KCNA6: variants seen among roughly 807,000 people sequenced by gnomAD.
The protein encoded by KCNA6 is human brain potassium channel-2.
A neutral mutation model predicts 29.5 loss-of-function variants in KCNA6; 17 were observed. That is an observed-to-expected ratio of 0.58 (90% CI 0.39 to 0.86). KCNA6 has a LOEUF of 0.86. KCNA6 is among the 40% of genes least tolerant of loss of function. The probability of loss-of-function intolerance (pLI) is 0.00; values close to 1 mark genes in which losing one functional copy is unlikely to be tolerated. For synonymous variants in KCNA6, 296 were observed against 304.7 expected, an observed-to-expected ratio of 0.97 and a Z score of 0.30; for missense variants, 450 against 703.4, an observed-to-expected ratio of 0.64 and a Z score of 4.07.
chr12:4,832,881 G>A, the KCNA6 span, among the ~76,000 whole-genome samples: 1 of 152,052 alleles, frequency 6.6e-6, no homozygotes, highest in Non-Finnish European at 1.5e-5. Flanking sequence ...TTTTTAGACT[G>A]TAAGAGTCCT....
At chr12:4,827,205 C>CGT in the KCNA6 span, among the ~76,000 whole-genome samples, 1 of 39,054 alleles carries the variant, frequency 2.6e-5, no homozygotes, top group Non-Finnish European at 4.8e-5. Context: ...TCCTTCCTTC[C>CGT]CTCCTTCCTT....
At chr12:4,823,242 A>G in the KCNA6 span, among the ~76,000 whole-genome samples, 1 of 152,090 alleles carries the variant, frequency 6.6e-6, no homozygotes, top group Non-Finnish European at 1.5e-5. Context: ...TTAAAAAACT[A>G]CACAATATAG....
In KCNA6 at chr12:4,810,151, G is replaced by T; in HGVS notation, c.110G>T (p.Cys37Phe). Residue 37 changes from cysteine to phenylalanine, a missense_variant, in exon 1 of 1, where the codon TGC (cysteine) becomes TTC (phenylalanine). By Grantham distance (205) the Cys-to-Phe change is radical. Around this residue, in one of 7 missense-constraint regions of KCNA6, gnomAD observed 72 missense variants for 64.2 expected, o/e 1.12. Coordinates refer to ENST00000280684, the Ensembl canonical transcript of KCNA6. The surrounding 1 kb of genome is among the most constrained non-coding windows in gnomAD (Gnocchi z 7.5). ...CCGGAGGCCGGCGGGGGCGGGGGCT[G>T]CTGTAGTAGCGAGCGGCTGGTGATC... 1.2e-6 allele frequency: 2 copies of T among 1,607,584 alleles called. No homozygotes were observed.
At chr12:4,839,013 T>C in the KCNA6 span, 1 of 152,226 alleles carries the variant, frequency 6.6e-6, no homozygotes, top group African/African-American at 2.4e-5. Context: ...CTTAAAGATA[T>C]TCTCCTGCTC....
At position 4,810,694 on chromosome 12, in the gene KCNA6, C is replaced by A; in HGVS notation, c.653C>A (p.Ser218Tyr). 6.2e-7 allele frequency: 1 copy of A among 1,614,070 alleles called. No individual in the cohort carries two copies. The change falls in exon 1 of 1, where the codon TCC becomes TAC. Residue 218 changes from serine (S) to tyrosine (Y), a missense_variant. Physicochemically the swap from Ser to Tyr is moderately radical, Grantham distance 144. Transcript: ENST00000280684. The surrounding 1 kb of genome is among the most constrained non-coding windows in gnomAD (Gnocchi z 7.5). ...GGTGTGAGTCGAGTCTCCCCAGTTT[C>A]CAGGGGGAGTCAGGAGGAAGAGGAG...
the KCNA6 span, among the ~76,000 whole-genome samples, chr12:4,821,944 C>T: frequency 2.0e-5 from 3 of 152,134 alleles, no homozygotes; most frequent in African/African-American, 7.2e-5. Context: ...TCAAGCGATT[C>T]TCCTGCCTTA....
the KCNA6 span, among the ~76,000 whole-genome samples, chr12:4,841,646 G>A: frequency 2.0e-5 from 3 of 152,170 alleles, no homozygotes; most frequent in African/African-American, 7.2e-5. Flanking sequence ...TACCATGTTA[G>A]CTTGCCGGCA....
chr12:4,813,288 C>G (rs1361582012), exon 1 of KCNA6: 1 of 167,038 alleles, frequency 6.0e-6, no homozygotes, highest in African/African-American at 2.4e-5. Context: ...CTTTGTGCCT[C>G]AGTTTACCCA....
the KCNA6 span, among the ~76,000 whole-genome samples, chr12:4,838,545 C>T: frequency 3.3e-5 from 5 of 152,174 alleles, no homozygotes; most frequent in African/African-American, 1.2e-4. Flanking sequence ...ACTCAGTCGC[C>T]TCTGAAAAAT....
chr12:4,835,111 AT>A, the KCNA6 span, among the ~76,000 whole-genome samples: 1 of 150,350 alleles, frequency 6.7e-6, no homozygotes, highest in African/African-American at 2.4e-5. Flanking sequence ...GAGTACTCCC[AT>A]TTTTCTAAGA....
chr12:4,840,233 ATC>A, the KCNA6 span, among the ~76,000 whole-genome samples: 35,922 of 90,760 alleles, frequency 0.4, 4,834 homozygotes, highest in Middle Eastern at 0.48. Context: ...CTATCTATCT[ATC>A]TATCTATCTC....
the KCNA6 span, among the ~76,000 whole-genome samples, chr12:4,827,229 C>CTTCCCTCCT: frequency 1.5e-3 from 99 of 65,038 alleles, no homozygotes; most frequent in Non-Finnish European, 2.6e-3. Flanking sequence ...TCCTTCCTTC[C>CTTCCCTCCT]TCCTTCCTTC....
downstream of KCNA6, among the ~76,000 whole-genome samples, chr12:4,816,729 G>A (rs181357579): frequency 2.2e-3 from 340 of 152,188 alleles, 2 homozygotes; most frequent in Middle Eastern, 0.01. Context: ...CTCTACAGTC[G>A]TTATTGATGC....
At chr12:4,840,217 ATC>A in the KCNA6 span, among the ~76,000 whole-genome samples, 90,232 of 149,778 alleles carry the variant, frequency 0.6, 27,544 homozygotes, top group Middle Eastern at 0.65. Context: ...CTATCTATCT[ATC>A]TATCTATCTA....
At chr12:4,816,561 C>T (rs888307044), downstream of KCNA6, among the ~76,000 whole-genome samples, 3 of 152,148 alleles carry the variant, frequency 2.0e-5, no homozygotes, top group Non-Finnish European at 2.9e-5. Flanking sequence ...CCCACCAAAT[C>T]CCTGCACCTG....
the KCNA6 span, among the ~76,000 whole-genome samples, chr12:4,836,182 C>T: frequency 0.043 from 6,495 of 151,236 alleles, 160 homozygotes; most frequent in African/African-American, 0.058. Context: ...ACTCTGACCT[C>T]GGGTGATCCA....
the KCNA6 span, among the ~76,000 whole-genome samples, chr12:4,833,931 ATT>A: frequency 3.2e-4 from 46 of 141,918 alleles, no homozygotes; most frequent in Admixed American, 5.6e-4. Flanking sequence ...TTTAAATTAA[ATT>A]TTTTTTTTTT....
chr12:4,844,969 C>T, the KCNA6 span, among the ~76,000 whole-genome samples: 2 of 152,084 alleles, frequency 1.3e-5, no homozygotes, highest in African/African-American at 4.8e-5. The surrounding 1 kb of genome is among the most constrained non-coding windows in gnomAD (Gnocchi z 4.0). Context: ...GGAAAAAACC[C>T]TCTAAACATG....
the KCNA6 span, among the ~76,000 whole-genome samples, chr12:4,842,262 A>G: frequency 3.9e-5 from 6 of 152,350 alleles, no homozygotes; most frequent in East Asian, 1.2e-3. Flanking sequence ...GGTAGAAACC[A>G]CATTCCAGGG....
Sources: allele counts gnomAD v4.1 joint callset (sites outside exome capture counted in the v4.1 genomes callset), GRCh38; gene constraint gnomAD v4.1.1; regional missense constraint gnomAD v4.1.1; non-coding constraint Gnocchi (gnomAD v3.1); transcripts MANE v1.5; gene names NCBI Gene and HGNC (gene_info 2026-07-23, HGNC 2026-07-21).